The following IMMP2L variants were observed in gnomAD, a reference collection of about 807,000 sequenced individuals.
IMMP2L encodes the protein mitochondrial inner membrane protease subunit 2.
In IMMP2L, 18 loss-of-function variants were observed where a neutral mutation model predicts 19.3. The ratio of observed to expected loss-of-function variants is 0.93; its 90% CI spans 0.64 to 1.38. IMMP2L has a LOEUF of 1.38. Ranked by LOEUF, IMMP2L falls within the 40% of genes most tolerant of loss-of-function variation. The pLI, the probability that IMMP2L is intolerant of heterozygous loss-of-function variation, is 0.00. For synonymous variants in IMMP2L, 76 were observed against 73.0 expected (o/e 1.04, Z -0.21); for missense variants, 233 against 218.2 (o/e 1.07, Z -0.43).
intron 4 of IMMP2L, among the ~76,000 whole-genome samples, chr7:110,913,037 T>TG (rs1194903932): frequency 6.6e-6 from 1 of 152,136 alleles, no homozygotes; most frequent in African/African-American, 2.4e-5. Flanking sequence ...AGAAGAACCC[T>TG]GGGAACAATA....
chr7:111,319,113 G>A (rs756490586), intron 3 of IMMP2L, among the ~76,000 whole-genome samples: 3 of 152,078 alleles, frequency 2.0e-5, no homozygotes, highest in Admixed American at 6.6e-5. Flanking sequence ...GTCTGTAGGA[G>A]GGCAAGTCTG....
chr7:111,450,745 A>G (rs1039523907), intron 3 of IMMP2L, among the ~76,000 whole-genome samples: 2 of 151,366 alleles, frequency 1.3e-5, no homozygotes, highest in African/African-American at 4.9e-5. Context: ...TGCACAGCAA[A>G]AGAAACTACC....
At chr7:110,969,707 T>G (rs2129556376) in intron 3 of IMMP2L, among the ~76,000 whole-genome samples, 1 of 152,206 alleles carries the variant, frequency 6.6e-6, no homozygotes, top group Non-Finnish European at 1.5e-5. Flanking sequence ...CAATGTGACT[T>G]ACACAGTCTC....
chr7:110,686,890 G>A (rs970250538), intron 5 of IMMP2L, among the ~76,000 whole-genome samples: 4 of 151,906 alleles, frequency 2.6e-5, no homozygotes, highest in African/African-American at 4.8e-5. Flanking sequence ...TCATTCCCAC[G>A]ATTAACACAC....
chr7:110,746,399 A>C (rs1476432303), intron 5 of IMMP2L, among the ~76,000 whole-genome samples: 1 of 152,212 alleles, frequency 6.6e-6, no homozygotes, highest in Non-Finnish European at 1.5e-5. Flanking sequence ...CTCTGGACCA[A>C]GCAAACCTAG....
At chr7:111,058,173 C>A (rs1225395737) in intron 3 of IMMP2L, among the ~76,000 whole-genome samples, 24 of 152,072 alleles carry the variant, frequency 1.6e-4, no homozygotes, top group Admixed American at 1.2e-3. Flanking sequence ...GATGCAGGCA[C>A]CCCAAAGAGA....
intron 3 of IMMP2L, among the ~76,000 whole-genome samples, chr7:111,203,912 A>G (rs1239785229): frequency 6.6e-6 from 1 of 152,166 alleles, no homozygotes; most frequent in South Asian, 2.1e-4. Context: ...TACCCTTGTA[A>G]GAATTTTCTT....
At chr7:111,016,825 A>AT (rs1825694545) in intron 3 of IMMP2L, among the ~76,000 whole-genome samples, 1 of 62,178 alleles carries the variant, frequency 1.6e-5, no homozygotes, top group Non-Finnish European at 3.0e-5. Context: ...ATTATATATA[A>AT]TATATAGTAT....
At chr7:111,309,616 T>C (rs1228346502) in intron 3 of IMMP2L, among the ~76,000 whole-genome samples, 1 of 152,104 alleles carries the variant, frequency 6.6e-6, no homozygotes, top group Non-Finnish European at 1.5e-5. Context: ...ATAGGGAATA[T>C]GATTCATGTA....
At chr7:111,125,633 T>C (rs214864) in intron 3 of IMMP2L, among the ~76,000 whole-genome samples, 13,081 of 152,044 alleles carry the variant, frequency 0.086, 1,264 homozygotes, top group African/African-American at 0.24. Context: ...GCAATCATAA[T>C]TTGTATTTAA....
chr7:111,273,570 T>C lies in IMMP2L; in HGVS notation c.239+213668A>G, dbSNP rs979897796. ...TCATCATGAACAAAGCATACAAACTTCTACCTTGAGGATGCAGGGAGGTGC... is the reference window on the plus strand; with the variant it reads ...TCATCATGAACAAAGCATACAAACTCCTACCTTGAGGATGCAGGGAGGTGC... On this transcript the variant is annotated intron_variant, in intron 3 of 5. Coordinates refer to ENST00000405709, the MANE Select transcript of IMMP2L (RefSeq NM_032549.4). 6.6e-5 allele frequency among the ~76,000 whole-genome samples: 10 copies of C among 152,176 alleles called. No individual in the cohort carries two copies. The South Asian group carries it at 2.1e-3, about 32-fold the overall frequency.
chr7:110,884,336 C>A (rs1809993715), intron 5 of IMMP2L, among the ~76,000 whole-genome samples: 1 of 151,718 alleles, frequency 6.6e-6, no homozygotes, highest in Non-Finnish European at 1.5e-5. Context: ...ATATTCTAAG[C>A]AACTATAAAG....
intron 3 of IMMP2L, among the ~76,000 whole-genome samples, chr7:110,991,647 T>C (rs1244656859): frequency 6.6e-6 from 1 of 152,162 alleles, no homozygotes. Context: ...AAAGACACAC[T>C]ACTAGTAGAC....
intron 3 of IMMP2L, among the ~76,000 whole-genome samples, chr7:111,450,261 T>A (rs557503334): frequency 6.6e-6 from 1 of 150,870 alleles, no homozygotes; most frequent in South Asian, 2.1e-4. Flanking sequence ...AGGTCAATCC[T>A]AAGCCAAAAG....
chr7:111,083,246 A>T (rs1482069982), intron 3 of IMMP2L, among the ~76,000 whole-genome samples: 1 of 152,218 alleles, frequency 6.6e-6, no homozygotes, highest in Non-Finnish European at 1.5e-5. Flanking sequence ...GACAAATAAC[A>T]ACAACTATCC....
At chr7:110,743,496 A>T (rs1199272944) in intron 5 of IMMP2L, among the ~76,000 whole-genome samples, 1 of 152,182 alleles carries the variant, frequency 6.6e-6, no homozygotes, top group Admixed American at 6.5e-5. Flanking sequence ...CCAAATAGCA[A>T]CAGCTCTGGT....
chr7:110,690,647 T>C (rs1793429780), intron 5 of IMMP2L, among the ~76,000 whole-genome samples: 1 of 152,120 alleles, frequency 6.6e-6, no homozygotes, highest in Non-Finnish European at 1.5e-5. Context: ...TTGGTATCAC[T>C]GTTATATACC....
intron 3 of IMMP2L, among the ~76,000 whole-genome samples, chr7:111,208,709 T>C (rs555477753): frequency 4.6e-5 from 7 of 152,164 alleles, no homozygotes; most frequent in Non-Finnish European, 1.0e-4. Context: ...AGGCTGGGCA[T>C]AGAATACACA....
intron 4 of IMMP2L, among the ~76,000 whole-genome samples, chr7:110,889,277 T>C (rs140624600): frequency 5.6e-4 from 85 of 152,298 alleles, no homozygotes; most frequent in African/African-American, 1.9e-3. Context: ...CATTGTAATA[T>C]ATAATGAATC....
Sources: allele counts gnomAD v4.1 joint callset (sites outside exome capture counted in the v4.1 genomes callset), GRCh38; gene constraint gnomAD v4.1.1; transcripts MANE v1.5; gene names NCBI Gene and HGNC (gene_info 2026-07-23, HGNC 2026-07-21).